The following MARCHF10 variants were observed in gnomAD, a reference collection of about 807,000 sequenced individuals.
MARCHF10 encodes membrane associated ring-CH-type finger 10, also known as probable E3 ubiquitin-protein ligase MARCHF10.
In MARCHF10, 64 loss-of-function variants were observed where a neutral mutation model predicts 76.2. The ratio of observed to expected loss-of-function variants is 0.84; its 90% CI spans 0.69 to 1.03. The LOEUF (loss-of-function observed/expected upper bound fraction) is 1.03. MARCHF10 is among the 50% of genes least tolerant of loss of function. The pLI, the probability that MARCHF10 is intolerant of heterozygous loss-of-function variation, is 0.00. For synonymous variants in MARCHF10, 340 were observed against 357.5 expected (o/e 0.95, Z 0.55); for missense variants, 875 against 958.0 (o/e 0.91, Z 1.14).
At chr17:62,782,387 G>C (rs775878494) in intron 3 of MARCHF10, among the ~76,000 whole-genome samples, 1 of 131,080 alleles carries the variant, frequency 7.6e-6, no homozygotes, top group Non-Finnish European at 1.5e-5. Context: ...TCGCTCTGTC[G>C]CCCAGGGTGG....
chr17:62,787,198 T>C (rs145817658), intron 3 of MARCHF10, among the ~76,000 whole-genome samples: 1 of 152,208 alleles, frequency 6.6e-6, no homozygotes, highest in East Asian at 1.9e-4. Context: ...AAATATTTTA[T>C]TGTACGATTT....
At chr17:62,714,464 C>T (rs1383988527) in intron 8 of MARCHF10, 22 of 973,182 alleles carry the variant, frequency 2.3e-5, no homozygotes, top group Non-Finnish European at 2.7e-5. Context: ...GACAGGATTC[C>T]AGGTAAATTG....
chr17:62,724,978 T>C lies in MARCHF10; in HGVS notation c.2064A>G (p.Gln688=), dbSNP rs1026380177. The C allele has an allele frequency of 1.9e-6, 3 of 1,612,182 alleles. No homozygotes were observed. The African/African-American group carries it at 4.0e-5, about 22-fold the overall frequency. The change falls in exon 7 of 11, where the codon CAA becomes CAG. Residue 688 remains glutamine, a synonymous_variant. Transcript: ENST00000311269. ...GCVGSLQFVH[Q]ECLKKWLKVK... is the part of the protein sequence containing the mutation. ...CTTTCAGCCACTTTTTCAGGCACTC[T>C]TGATGAACAAACTGCAGGCTTCCCA... is the stretch of plus-strand genomic sequence containing the variant.
At chr17:62,790,693 A>G (rs2092827445) in intron 2 of MARCHF10, among the ~76,000 whole-genome samples, 1 of 152,226 alleles carries the variant, frequency 6.6e-6, no homozygotes, top group Non-Finnish European at 1.5e-5. Context: ...TAGAAAAAGC[A>G]TCTCCTTCCG....
chr17:62,706,432 T>G (rs1341181057), intron 9 of MARCHF10: 5 of 152,262 alleles, frequency 3.3e-5, no homozygotes, highest in African/African-American at 9.7e-5. Context: ...TCGTTATCTA[T>G]CTCATCAACT....
intron 7 of MARCHF10, among the ~76,000 whole-genome samples, chr17:62,723,096 G>GT (rs34392578): frequency 0.038 from 5,797 of 151,738 alleles, 169 homozygotes; most frequent in Non-Finnish European, 0.061. Flanking sequence ...CCTGAGAACA[G>GT]TGAGGGAGCG....
rs1189372497 is a variant in MARCHF10, at chr17:62,736,882, T to A, written c.986A>T (p.Asn329Ile). Residue 329 changes from asparagine (N) to isoleucine (I), a missense_variant, in exon 6 of 11, where the codon AAT (asparagine) becomes ATT (isoleucine). Coordinates refer to ENST00000311269, the MANE Select transcript of MARCHF10 (RefSeq NM_152598.4). Reference sequence around the variant, plus strand: ...TTCAGCATTTTCTTCAAAATTTTTATTTTTGGCCTGAGGGGTCGATGTCCC... The same window carrying A: ...TTCAGCATTTTCTTCAAAATTTTTAATTTTGGCCTGAGGGGTCGATGTCCC... ...FGGTSTPQAK[N>I]KNFEENAENC... is the part of the protein sequence containing the mutation. 2.5e-6 allele frequency: 4 copies of A among 1,613,900 alleles called. No homozygotes were observed. The highest frequency in any genetic ancestry group is 3.4e-6 in the Non-Finnish European group (4 of 1,179,922).
Position 62,714,368 on chromosome 17 carries a change from C to T in MARCHF10, c.2215-3024G>A, listed in dbSNP as rs2090083452. The stretch of plus-strand genomic sequence containing the variant: ...TGGAAGGGAAGTAACCTCTGTTCTG[C>T]CTGTTTCCTCAAAGCATGATAGTAA... On this transcript the variant is annotated intron_variant, in intron 8 of 10. Coordinates refer to ENST00000311269, the MANE Select transcript of MARCHF10 (RefSeq NM_152598.4). 4 of 984,156 alleles carry T rather than the reference C, an allele frequency of 4.1e-6. No homozygotes were observed. The South Asian group carries it at 1.9e-4, about 46-fold the overall frequency. The allele number at this position is 984,156 out of a possible 1,614,324, so 61.0% of individuals were successfully genotyped here.
intron 4 of MARCHF10, chr17:62,747,066 T>G (rs1019604025): frequency 2.8e-5 from 26 of 927,606 alleles, no homozygotes; most frequent in Non-Finnish European, 4.1e-5. Flanking sequence ...GTATGTCTTT[T>G]CTCTCCAACT....
rs560187561 is a variant in MARCHF10 at position 62,757,779 on chromosome 17, C to T, written c.382+2056G>A. On this transcript the variant is annotated intron_variant, in intron 4 of 10. Coordinates refer to ENST00000311269, the MANE Select transcript of MARCHF10 (RefSeq NM_152598.4). The stretch of plus-strand genomic sequence containing the variant: ...TAGAGGCTTTTACTACAAGTAACAT[C>T]CCTCATTTGATGAAATAGATATCTT... 5.7e-4 allele frequency among the ~76,000 whole-genome samples: 87 copies of T among 152,298 alleles called. 1 individual carries two copies. Among genetic ancestry groups the T allele is most frequent in the African/African-American group, 2.0e-3 (84 of 41,564 alleles).
chr17:62,710,428 TGAG>T (rs2089855785), intron 9 of MARCHF10, among the ~76,000 whole-genome samples: 3 of 151,908 alleles, frequency 2.0e-5, no homozygotes, highest in Non-Finnish European at 4.4e-5. Context: ...GTGAGATTCT[TGAG>T]GAGATATCTT....
chr17:62,747,854 T>C (rs1003783), intron 4 of MARCHF10, among the ~76,000 whole-genome samples: 78,625 of 152,000 alleles, frequency 0.52, 21,399 homozygotes, highest in East Asian at 0.71. Flanking sequence ...TATATTATGA[T>C]TTGTTCAACA....
chr17:62,775,199 C>A lies in MARCHF10; in HGVS notation c.210+13281G>T, dbSNP rs149245408. Among the ~76,000 whole-genome samples, 643 of 150,928 alleles carry A rather than the reference C, an allele frequency of 4.3e-3. 3 individuals carry two copies. The highest frequency in any genetic ancestry group is 0.015 in the African/African-American group (624 of 41,030). On this transcript the variant is annotated intron_variant, in intron 3 of 10. Coordinates refer to ENST00000311269, the MANE Select transcript of MARCHF10 (RefSeq NM_152598.4). The stretch of plus-strand genomic sequence containing the variant: ...GGAGTGCAGTGGTGTGATCTCCACT[C>A]ACTGCAACCTCTGCCTCTCGGGTTC...
intron 3 of MARCHF10, among the ~76,000 whole-genome samples, chr17:62,778,806 T>G (rs1412301760): frequency 6.6e-6 from 1 of 150,480 alleles, no homozygotes; most frequent in Admixed American, 6.6e-5. Context: ...TTGCTGGAAG[T>G]AGGAGGAGGA....
At chr17:62,740,658 CTTTTT>C (rs199530438) in intron 5 of MARCHF10, among the ~76,000 whole-genome samples, 1 of 147,682 alleles carries the variant, frequency 6.8e-6, no homozygotes, top group South Asian at 2.1e-4. Flanking sequence ...TTTTTTCTTA[CTTTTT>C]TTTTTTAATT....
chr17:62,802,573 C>T (rs1195378481), intron 1 of MARCHF10, among the ~76,000 whole-genome samples: 2 of 152,166 alleles, frequency 1.3e-5, no homozygotes, highest in African/African-American at 4.8e-5. Context: ...TGAATCCTAA[C>T]TATGATAGGC....
chr17:62,804,235 G>C (rs114495278), intron 1 of MARCHF10, among the ~76,000 whole-genome samples: 1 of 152,204 alleles, frequency 6.6e-6, no homozygotes, highest in Non-Finnish European at 1.5e-5. Context: ...GGCGTCACAA[G>C]TGTCTGCGGT....
intron 3 of MARCHF10, among the ~76,000 whole-genome samples, chr17:62,783,808 C>T (rs188127580): frequency 3.3e-5 from 5 of 152,300 alleles, no homozygotes; most frequent in East Asian, 1.9e-4. Flanking sequence ...CATACACCCT[C>T]CCAAGATTAA....
At chr17:62,782,531 A>G (rs550549864) in intron 3 of MARCHF10, among the ~76,000 whole-genome samples, 4 of 151,972 alleles carry the variant, frequency 2.6e-5, no homozygotes, top group African/African-American at 9.6e-5. Context: ...TATTTTTAGT[A>G]GAGATGGGGT....
Sources: allele counts gnomAD v4.1 joint callset (sites outside exome capture counted in the v4.1 genomes callset), GRCh38; gene constraint gnomAD v4.1.1; transcripts MANE v1.5; gene names NCBI Gene and HGNC (gene_info 2026-07-23, HGNC 2026-07-21).